Variants in RERE observed in about 807,000 individuals in gnomAD.
RERE encodes the protein arginine-glutamic acid dipeptide repeats, also known as arginine-glutamic acid dipeptide repeats protein.
A neutral mutation model predicts 146.1 loss-of-function variants in RERE; 40 were observed. The observed-to-expected ratio is 0.27, with a 90% CI of 0.21 to 0.36. The LOEUF (loss-of-function observed/expected upper bound fraction) is 0.36, where lower values mean the gene tolerates loss of function less well. Ranked by LOEUF, RERE falls within the 10% of genes least tolerant of loss-of-function variation. The pLI is 1.00. For synonymous variants in RERE, 1,003 were observed against 866.0 expected (o/e 1.16, Z -2.78); for missense variants, 1,933 against 2,138.7 (o/e 0.90, Z 1.90).
chr1:8,710,002 CTT>C (rs1349969397), intron 1 of RERE, among the ~76,000 whole-genome samples: 2 of 152,212 alleles, frequency 1.3e-5, no homozygotes, highest in Non-Finnish European at 2.9e-5. Context: ...GCGATTCTCT[CTT>C]TCTTTCCATG....
chr1:8,385,993 A>AATAT lies in RERE; in HGVS notation c.1285-20023_1285-20020dup, dbSNP rs1553159745. Reference sequence around the variant, plus strand: ...TAAAAAAAAAAAAAAAAAAAAAAAAAATATATATATATATATATATATATA... The same window carrying AATAT: ...TAAAAAAAAAAAAAAAAAAAAAAAAAATATATATATATATATATATATATATATA... On this transcript the variant is annotated intron_variant, in intron 12 of 22. Transcript: ENST00000400908. Among the ~76,000 whole-genome samples, 44 of 26,458 alleles carry AATAT rather than the reference A, an allele frequency of 1.7e-3. 1 individual carries two copies. The highest frequency in any genetic ancestry group is 2.5e-3 in the Non-Finnish European group (35 of 14,108). 17.4% of individuals were successfully genotyped at this position (26,458 alleles called of 152,430 possible).
chr1:8,774,265 T>C (rs1641012716), intron 1 of RERE, among the ~76,000 whole-genome samples: 1 of 152,142 alleles, frequency 6.6e-6, no homozygotes. Flanking sequence ...TTTCAGCATC[T>C]TTCAGATTTC....
intron 18 of RERE, 55 bp downstream of exon 18, chr1:8,360,057 T>G (rs1641494163): frequency 5.8e-6 from 5 of 865,742 alleles, no homozygotes; most frequent in Non-Finnish European, 5.3e-6. Flanking sequence ...CCACCAGAAC[T>G]TGCCCCCACC....
intron 11 of RERE, chr1:8,425,656 G>C (rs1473004411): frequency 6.6e-6 from 1 of 152,308 alleles, no homozygotes; most frequent in Non-Finnish European, 1.5e-5. Flanking sequence ...CATGCAATCG[G>C]AACGTGGGCT....
rs548075266 is a variant in RERE, at chr1:8,559,280, C to CAAAAAAAAAAAAAAAAA, written c.523-1774_523-1758dup. Among the ~76,000 whole-genome samples the CAAAAAAAAAAAAAAAAA allele has an allele frequency of 2.9e-3, 35 of 12,064 alleles. 1 individual carries two copies. The highest frequency in any genetic ancestry group is 7.2e-3 in the East Asian group (1 of 138). 7.9% of individuals were successfully genotyped at this position (12,064 alleles called of 152,430 possible). On this transcript the variant is annotated intron_variant, in intron 4 of 22. Coordinates refer to ENST00000400908, the MANE Select transcript of RERE (RefSeq NM_001042681.2). ...GGGCAACAAGAGCAAAACTCCAGCT[C>CAAAAAAAAAAAAAAAAA]AAAAAAAAAAAAAAAAAAAAAAAAC...
At chr1:8,444,709 A>G (rs914030061) in intron 11 of RERE, among the ~76,000 whole-genome samples, 6 of 152,144 alleles carry the variant, frequency 3.9e-5, no homozygotes, top group African/African-American at 1.4e-4. Flanking sequence ...TGCTTGCAAT[A>G]GTGAGTGAGT....
intron 4 of RERE, chr1:8,590,805 T>C (rs1260641850): frequency 6.6e-6 from 1 of 152,248 alleles, no homozygotes; most frequent in Non-Finnish European, 1.5e-5. Flanking sequence ...CCTTGACTTC[T>C]TCCCACTCTT....
At chr1:8,550,672 T>C (rs1645923303) in intron 6 of RERE, among the ~76,000 whole-genome samples, 1 of 151,956 alleles carries the variant, frequency 6.6e-6, no homozygotes. Context: ...TCAGTCTCCC[T>C]AGTACCTGGG....
intron 12 of RERE, among the ~76,000 whole-genome samples, chr1:8,397,093 T>C (rs886966780): frequency 1.3e-5 from 2 of 152,248 alleles, no homozygotes; most frequent in African/African-American, 2.4e-5. Context: ...TGACAGATAC[T>C]GAGTCAGAAA....
At chr1:8,745,762 T>C (rs1640406523) in intron 1 of RERE, among the ~76,000 whole-genome samples, 1 of 152,192 alleles carries the variant, frequency 6.6e-6, no homozygotes, top group African/African-American at 2.4e-5. Context: ...TCCCTTTCTT[T>C]TCTGTTTTAA....
chr1:8,660,051 TTAATA>T (rs1638418201), intron 1 of RERE, among the ~76,000 whole-genome samples: 1 of 151,820 alleles, frequency 6.6e-6, no homozygotes, highest in Non-Finnish European at 1.5e-5. Context: ...GCATGTTATA[TTAATA>T]TATTAAATTA....
chr1:8,411,122 G>C (rs1207224728), intron 12 of RERE, among the ~76,000 whole-genome samples: 1 of 152,128 alleles, frequency 6.6e-6, no homozygotes, highest in South Asian at 2.1e-4. Context: ...TTTTGTATGA[G>C]TCTAAGATAT....
chr1:8,721,438 A>G (rs1239630254), intron 1 of RERE, among the ~76,000 whole-genome samples: 1 of 152,066 alleles, frequency 6.6e-6, no homozygotes, highest in African/African-American at 2.4e-5. Context: ...CAGCCTCCCG[A>G]GTAGCTGAGA....
rs898069599 is a variant in RERE at position 8,556,584 on chromosome 1, T to G, written c.629-13A>C. 2.6e-6 allele frequency: 4 copies of G among 1,510,800 alleles called. No homozygotes were observed. Among genetic ancestry groups the G allele is most frequent in the Non-Finnish European group, 2.8e-6 (3 of 1,088,886 alleles). The allele number at this position is 1,510,800 out of a possible 1,614,324, so 93.6% of individuals were successfully genotyped here. A position where few individuals can be genotyped will look rare whatever the true frequency, so the allele number is the denominator to read the frequency against. On this transcript the variant is annotated splice_polypyrimidine_tract_variant and intron_variant, in intron 5 of 22. Coordinates refer to ENST00000400908, the MANE Select transcript of RERE (RefSeq NM_001042681.2). ...TCTCTTCCAGAGTCTGTCAAAAAAT[T>G]AATTAAGACGACATTAAAACTGAGT...
At chr1:8,386,048 T>TTTTTTTC (rs1642670634) in intron 12 of RERE, among the ~76,000 whole-genome samples, 17 of 86,310 alleles carry the variant, frequency 2.0e-4, no homozygotes, top group Non-Finnish European at 3.6e-4. Context: ...TTTTTTTTTT[T>TTTTTTTC]CTTGGTTCAC....
At chr1:8,559,865 A>AG (rs1646057452) in intron 4 of RERE, among the ~76,000 whole-genome samples, 3 of 152,292 alleles carry the variant, frequency 2.0e-5, no homozygotes, top group Non-Finnish European at 4.4e-5. Flanking sequence ...CTGACCAAAT[A>AG]CACAGGCAGC....
chr1:8,401,617 A>T (rs1643265735), intron 12 of RERE, among the ~76,000 whole-genome samples: 1 of 151,870 alleles, frequency 6.6e-6, no homozygotes. Flanking sequence ...AATATTAGCC[A>T]GGCATGGCAT....
intron 1 of RERE, among the ~76,000 whole-genome samples, chr1:8,718,061 A>G (rs1639795342): frequency 1.3e-5 from 2 of 152,252 alleles, no homozygotes; most frequent in African/African-American, 4.8e-5. Context: ...TTAACACACA[A>G]GACCATAAGT....
In RERE at chr1:8,359,907, G is replaced by T. The variant is rs1273720476; in HGVS notation, c.3475C>A (p.Leu1159Met). The T allele has an allele frequency of 1.6e-5, 26 of 1,613,168 alleles. No individual in the cohort carries two copies. Among genetic ancestry groups the T allele is most frequent in the Non-Finnish European group, 1.9e-5 (23 of 1,180,036 alleles). Residue 1159 changes from leucine to methionine, a missense_variant, in exon 19 of 23, where the codon CTG becomes ATG. By Grantham distance (15) the Leu-to-Met change is conservative (BLOSUM62 2). Around this residue, in one of 11 missense-constraint regions of RERE, gnomAD observed 1,255 missense variants for 1,153.8 expected, o/e 1.09. Transcript: ENST00000400908. ...LYFMPLAGSKLAKKREEAIEK... is the reference protein window; with the variant it reads ...LYFMPLAGSKMAKKREEAIEK... ...ATGGCCTCCTCCCTCTTCTTGGCCA[G>T]CTTGGACCCGGCCAGAGGCATGAAG...
Sources: allele counts gnomAD v4.1 joint callset (sites outside exome capture counted in the v4.1 genomes callset), GRCh38; gene constraint gnomAD v4.1.1; regional missense constraint gnomAD v4.1.1; transcripts MANE v1.5; gene names NCBI Gene and HGNC (gene_info 2026-07-23, HGNC 2026-07-21).